The following DONSON variants were observed in gnomAD, a reference collection of about 807,000 sequenced individuals.
The protein encoded by DONSON is DNA replication fork stabilization factor DONSON.
Under a neutral mutation model 62.1 loss-of-function variants are expected in DONSON, and 43 were observed. The observed-to-expected ratio is 0.69, with a 90% CI of 0.54 to 0.89. DONSON has a LOEUF of 0.89. DONSON is among the 40% of genes least tolerant of loss of function. The pLI is 0.00. For synonymous variants in DONSON, 266 were observed against 264.6 expected (o/e 1.01, Z -0.05); for missense variants, 696 against 697.5 (o/e 1.00, Z 0.03).
In DONSON at chr21:33,579,499, T is replaced by C. The variant is rs1469501352; in HGVS notation, c.1414A>G (p.Ile472Val). Residue 472 changes from isoleucine to valine, a missense_variant, in exon 9 of 10, where the codon ATT becomes GTT. Ile to Val is a conservative substitution (Grantham distance 29). Coordinates refer to ENST00000303071, the MANE Select transcript of DONSON (RefSeq NM_017613.4). The part of the protein sequence containing the change: ...SGYRDQFSLE[I>V]TGPIMPHSLH... The stretch of plus-strand genomic sequence containing the variant: ...GAATGAGGCATGATAGGACCTGTAA[T>C]CTCCAAACTAAATTGGTCTCTGTAT... 6.2e-7 allele frequency: 1 copy of C among 1,614,222 alleles called. No individual in the cohort carries two copies. Among genetic ancestry groups the C allele is most frequent in the South Asian group, 1.1e-5 (1 of 91,080 alleles).
intron 4 of DONSON, among the ~76,000 whole-genome samples, chr21:33,584,199 C>T (rs964206432): frequency 6.6e-6 from 1 of 151,412 alleles, no homozygotes; most frequent in South Asian, 2.1e-4. Context: ...CACCCGCCAC[C>T]ACACCAGGCT....
chr21:33,582,205 T>C lies in DONSON; in HGVS notation c.1006A>G (p.Lys336Glu). The change falls in exon 6 of 10, where the codon AAG becomes GAG. Residue 336 changes from lysine (K) to glutamate (E), a missense_variant. Transcript: ENST00000303071. The stretch of plus-strand genomic sequence containing the variant: ...CTTGTTCCAGATGCTGTCTCCTTCT[T>C]ATGGCCACTTTCTTTTATTAAAGGC... ...SLPLIKESGH[K>E]KETASGTSLG... The C allele has an allele frequency of 5.6e-6, 9 of 1,614,082 alleles. No individual in the cohort carries two copies. Among genetic ancestry groups the C allele is most frequent in the Non-Finnish European group, 7.6e-6 (9 of 1,179,986 alleles).
At chr21:33,586,760 G>A (rs1402257429) in intron 2 of DONSON, among the ~76,000 whole-genome samples, 1 of 151,802 alleles carries the variant, frequency 6.6e-6, no homozygotes, top group African/African-American at 2.4e-5. Flanking sequence ...TCGTCCTCCC[G>A]AGTACCTGGG....
At position 33,582,296 on chromosome 21, in the gene DONSON, AG is replaced by A. The variant is rs77179527; in HGVS notation, c.965-51del. On this transcript the variant is annotated intron_variant, in intron 5 of 9. Coordinates refer to ENST00000303071, the MANE Select transcript of DONSON (RefSeq NM_017613.4). ...TGAGTTGTCATTTAAAGTATTTAAC[AG>A]GCATGCTGTACTTTTAGAGTGTAAA... 0.39 allele frequency: 546,583 copies of A among 1,401,104 alleles called. 110,206 individuals are homozygous for A. Among genetic ancestry groups the A allele is most frequent in the East Asian group, 0.6 (26,197 of 43,722 alleles). 86.8% of individuals were successfully genotyped at this position (1,401,104 alleles called of 1,614,324 possible). A position where few individuals can be genotyped will look rare whatever the true frequency, so the allele number is the denominator to read the frequency against.
Position 33,577,603 on chromosome 21 carries a change from C to CTACACATACACACA in DONSON, c.*703_*704insTGTGTGTATGTGTA, listed in dbSNP as rs1491305771. ...AAAATGTGAATTATACAGTCCCCCC[C>CTACACATACACACA]TACACACACACACACACACACACAC... On this transcript the variant is annotated 3_prime_UTR_variant, in exon 10 of 10. Coordinates refer to ENST00000303071, the MANE Select transcript of DONSON (RefSeq NM_017613.4). 1.9e-5 allele frequency: 1 copy of CTACACATACACACA among 51,694 alleles called. No homozygotes were observed. The highest frequency in any genetic ancestry group is 2.6e-4 in the Admixed American group (1 of 3,874). The allele number at this position is 51,694 out of a possible 1,614,324, so 3.2% of individuals were successfully genotyped here.
At chr21:33,583,373 T>C (rs942332069) in intron 5 of DONSON, 115 bp downstream of exon 5, 9 of 836,994 alleles carry the variant, frequency 1.1e-5, no homozygotes, top group Non-Finnish European at 1.2e-5. Flanking sequence ...AGAAATAATA[T>C]ATTTCTTAAT....
In DONSON at chr21:33,588,264, C is replaced by G. The variant is rs1430142963; in HGVS notation, c.321+57G>C. The stretch of plus-strand genomic sequence containing the variant: ...AGGACTTTCCATCCCCCATTCACAG[C>G]TGGCTCAACCCACGAAAGACAAGAG... On this transcript the variant is annotated intron_variant, in intron 1 of 9. Coordinates refer to ENST00000303071, the MANE Select transcript of DONSON (RefSeq NM_017613.4). 3.6e-5 allele frequency: 43 copies of G among 1,191,742 alleles called. 1 individual carries two copies. The African/African-American group carries it at 3.8e-4, about 10-fold the overall frequency. 73.8% of individuals were successfully genotyped at this position (1,191,742 alleles called of 1,614,324 possible).
chr21:33,588,478 A>T lies in DONSON; in HGVS notation c.164T>A (p.Leu55His). ...GCCCCCCGCAGCAGGGAAAGGGCGA[A>T]GAGGCAGCCCCGCCACCAGGGCGGC... ...RRAALVAGLP[L>H]RPFPAAGGRG... Residue 55 changes from leucine (L) to histidine (H), a missense_variant, in exon 1 of 10, where the codon CTT becomes CAT. By Grantham distance (99) the Leu-to-His change is moderately conservative. Transcript: ENST00000303071. The T allele has an allele frequency of 7.8e-7, 1 of 1,275,016 alleles. No homozygotes were observed. Among genetic ancestry groups the T allele is most frequent in the South Asian group, 2.7e-5 (1 of 37,026 alleles). 79.0% of individuals were successfully genotyped at this position (1,275,016 alleles called of 1,614,324 possible). A position where few individuals can be genotyped will look rare whatever the true frequency, so the allele number is the denominator to read the frequency against.
At chr21:33,580,855 C>T (rs1403284205) in intron 8 of DONSON, among the ~76,000 whole-genome samples, 2 of 151,508 alleles carry the variant, frequency 1.3e-5, no homozygotes, top group South Asian at 2.1e-4. Context: ...GCACTGCAGC[C>T]GGTGACAGAG....
intron 8 of DONSON, 119 bp from the exon 9 acceptor site, chr21:33,579,681 A>T (rs919926332): frequency 1.3e-6 from 1 of 760,628 alleles, no homozygotes; most frequent in Non-Finnish European, 2.1e-6. Flanking sequence ...TTATGGAATA[A>T]AACTATTTCC....
Position 33,578,145 on chromosome 21 carries a change from TC to T in DONSON, c.*161del. The T allele has an allele frequency of 1.4e-6, 1 of 702,892 alleles. No homozygotes were observed. Among genetic ancestry groups the T allele is most frequent in the South Asian group, 2.6e-5 (1 of 38,520 alleles). The allele number at this position is 702,892 out of a possible 1,614,324, so 43.5% of individuals were successfully genotyped here. A position where few individuals can be genotyped will look rare whatever the true frequency, so the allele number is the denominator to read the frequency against. ...AGTTTTTCATCTTTATATCTAAAAA[TC>T]TAATCTGAAAATAGTAAAACACATT... On this transcript the variant is annotated 3_prime_UTR_variant, in exon 10 of 10. Transcript: ENST00000303071.
rs1601308818 is a variant in DONSON, at chr21:33,578,382, A to T, written c.1626T>A (p.Ser542Arg). The T allele has an allele frequency of 6.2e-7, 1 of 1,614,056 alleles. No homozygotes were observed. Among genetic ancestry groups the T allele is most frequent in the East Asian group, 2.2e-5 (1 of 44,834 alleles). ...ATGATTTCCCAAGTAACGGTATTTGACTAAGTTGCTCCAGAGTGTTAGGGT... is the reference window on the plus strand; with the variant it reads ...ATGATTTCCCAAGTAACGGTATTTGTCTAAGTTGCTCCAGAGTGTTAGGGT... ...GLHPNTLEQL[S>R]QIPLLGKSSL... Residue 542 changes from serine to arginine, a missense_variant, in exon 10 of 10, where the codon AGT becomes AGA. By Grantham distance (110) the Ser-to-Arg change is moderately radical. Coordinates refer to ENST00000303071, the MANE Select transcript of DONSON (RefSeq NM_017613.4).
chr21:33,587,228 G>T (rs894249289), intron 2 of DONSON: 9 of 414,960 alleles, frequency 2.2e-5, no homozygotes, highest in African/African-American at 1.9e-4. Flanking sequence ...GAAGTCAACT[G>T]CCCAAAGAAG....
Position 33,581,520 on chromosome 21 carries a change from A to C in DONSON, c.1152-20T>G, listed in dbSNP as rs754622038. On this transcript the variant is annotated intron_variant, in intron 7 of 9. Transcript: ENST00000303071. Reference sequence around the variant, plus strand: ...TTACGCCTGAAGATGACAATCAAGGAAATTGCAAAAGCAAATCTCACCTAA... The same window carrying C: ...TTACGCCTGAAGATGACAATCAAGGCAATTGCAAAAGCAAATCTCACCTAA... The C allele has an allele frequency of 1.9e-6, 3 of 1,603,062 alleles. No homozygotes were observed. The highest frequency in any genetic ancestry group is 2.6e-6 in the Non-Finnish European group (3 of 1,172,736).
intron 1 of DONSON, among the ~76,000 whole-genome samples, chr21:33,588,018 C>T (rs897568697): frequency 3.9e-5 from 6 of 152,176 alleles, no homozygotes; most frequent in African/African-American, 1.4e-4. Context: ...GAGCTCTTTT[C>T]CAAGTCACCT....
intron 9 of DONSON, among the ~76,000 whole-genome samples, chr21:33,579,113 C>A (rs527364498): frequency 4.0e-5 from 6 of 150,470 alleles, no homozygotes; most frequent in Admixed American, 3.3e-4. Context: ...CACTCCAGCC[C>A]GGGCAACAGC....
chr21:33,579,235 G>A, intron 9 of DONSON, 115 bp downstream of exon 9: 1 of 705,278 alleles, frequency 1.4e-6, no homozygotes, highest in Non-Finnish European at 2.2e-6. Context: ...TCATAATTAA[G>A]TAACAGTTTA....
Position 33,578,254 on chromosome 21 carries a change from C to G in DONSON, c.*53G>C. 1 of 1,564,298 alleles carries G rather than the reference C, an allele frequency of 6.4e-7. No homozygotes were observed. Among genetic ancestry groups the G allele is most frequent in the Non-Finnish European group, 8.7e-7 (1 of 1,152,046 alleles). On this transcript the variant is annotated 3_prime_UTR_variant, in exon 10 of 10. Transcript: ENST00000303071. ...CTTCAACTTCAAGAATCTTGAATTT[C>G]CTTGCTAGAAGGCTTTTTTCCTCAA...
At chr21:33,583,215 A>AAAAAAAAAAAAAAAAAAAAAC (rs1287548103) in intron 5 of DONSON, among the ~76,000 whole-genome samples, 1 of 145,456 alleles carries the variant, frequency 6.9e-6, no homozygotes, top group Non-Finnish European at 1.5e-5. Flanking sequence ...AAAAAAAAAA[A>AAAAAAAAAAAAAAAAAAAAAC]AAAAAAAAAA....
Sources: allele counts gnomAD v4.1 joint callset (sites outside exome capture counted in the v4.1 genomes callset), GRCh38; gene constraint gnomAD v4.1.1; transcripts MANE v1.5; gene names NCBI Gene and HGNC (gene_info 2026-07-23, HGNC 2026-07-21).